MPV17L: variants seen among roughly 807,000 people sequenced by gnomAD.
The protein encoded by MPV17L is mpv17-like protein.
MPV17L carries 24 observed loss-of-function variants against 25.8 expected under a neutral mutation model. That is an observed-to-expected ratio of 0.93 (90% CI 0.67 to 1.31). The LOEUF is 1.31. Ranked by LOEUF, MPV17L falls within the 50% of genes most tolerant of loss-of-function variation. The pLI is 0.00. For synonymous variants in MPV17L, 102 were observed against 115.3 expected, an observed-to-expected ratio of 0.88 and a Z score of 0.74; for missense variants, 250 against 265.6, an observed-to-expected ratio of 0.94 and a Z score of 0.41.
intron 1 of MPV17L, among the ~76,000 whole-genome samples, chr16:15,396,451 C>T (rs2050585119): frequency 6.6e-6 from 1 of 152,102 alleles, no homozygotes; most frequent in Non-Finnish European, 1.5e-5. Context: ...AATTGGGGAG[C>T]CAGAGGTCCA....
chr16:15,401,087 T>TATATATATA (rs376853780), intron 2 of MPV17L, among the ~76,000 whole-genome samples: 23 of 17,802 alleles, frequency 1.3e-3, no homozygotes, highest in Middle Eastern at 0.036. Context: ...TATATATATA[T>TATATATATA]TTTTTTTTTT....
intron 2 of MPV17L, among the ~76,000 whole-genome samples, chr16:15,401,646 C>T (rs145923799): frequency 2.0e-5 from 3 of 152,052 alleles, no homozygotes; most frequent in African/African-American, 7.2e-5. Context: ...ATGGTGAAAC[C>T]CTGTTTCTAC....
At chr16:15,398,163 C>G (rs2050603343) in intron 1 of MPV17L, among the ~76,000 whole-genome samples, 1 of 152,170 alleles carries the variant, frequency 6.6e-6, no homozygotes, top group African/African-American at 2.4e-5. Flanking sequence ...CCTGCCTCAG[C>G]CTACCAAGTA....
At chr16:15,405,607 T>A (rs1038961169) in intron 2 of MPV17L, among the ~76,000 whole-genome samples, 6 of 151,752 alleles carry the variant, frequency 4.0e-5, no homozygotes, top group African/African-American at 1.2e-4. Flanking sequence ...TGCAATCACG[T>A]CCTGCTAATT....
chr16:15,399,556 C>G, intron 1 of MPV17L: 1 of 331,106 alleles, frequency 3.0e-6, no homozygotes, highest in Non-Finnish European at 5.9e-6. Context: ...CAGGCACGCA[C>G]CCCTATACCT....
At chr16:15,406,578 G>A (rs2050682283) in intron 2 of MPV17L, among the ~76,000 whole-genome samples, 1 of 151,934 alleles carries the variant, frequency 6.6e-6, no homozygotes, top group South Asian at 2.1e-4. Context: ...GCATCACATG[G>A]TTTCAATATA....
chr16:15,401,077 TATATATA>T (rs1229400162), intron 2 of MPV17L, among the ~76,000 whole-genome samples: 171 of 46,622 alleles, frequency 3.7e-3, no homozygotes, highest in South Asian at 8.3e-3. Flanking sequence ...TATATATATA[TATATATA>T]TATTTTTTTT....
rs1458578635 is a variant in MPV17L, at chr16:15,408,354, T to C, written c.*242T>C. 2.7e-6 allele frequency: 1 copy of C among 371,614 alleles called. No homozygotes were observed. Among genetic ancestry groups the C allele is most frequent in the African/African-American group, 2.1e-5 (1 of 48,218 alleles). 23.0% of individuals were successfully genotyped at this position (371,614 alleles called of 1,614,324 possible). A position where few individuals can be genotyped will look rare whatever the true frequency, so the allele number is the denominator to read the frequency against. On this transcript the variant is annotated 3_prime_UTR_variant, in exon 4 of 4. Coordinates refer to ENST00000396385, the MANE Select transcript of MPV17L (RefSeq NM_001128423.2). ...GTTAATATGAATAATAGTGGCAAAATGGCATTTTAGAATTATTAATATTTC... is the reference window on the plus strand; with the variant it reads ...GTTAATATGAATAATAGTGGCAAAACGGCATTTTAGAATTATTAATATTTC...
intron 2 of MPV17L, among the ~76,000 whole-genome samples, chr16:15,405,554 C>T (rs222910): frequency 0.69 from 104,340 of 150,250 alleles, 36,569 homozygotes; most frequent in Non-Finnish European, 0.73. Context: ...ATTCAAGCGA[C>T]TCTCCTGCCT....
chr16:15,407,042 C>T (rs2050686534), intron 2 of MPV17L, among the ~76,000 whole-genome samples: 1 of 151,210 alleles, frequency 6.6e-6, no homozygotes, highest in African/African-American at 2.4e-5. Context: ...CAAGACCAGC[C>T]TGGGCAACAT....
chr16:15,400,343 T>G (rs1179290712), intron 1 of MPV17L, among the ~76,000 whole-genome samples: 5 of 149,806 alleles, frequency 3.3e-5, no homozygotes, highest in Non-Finnish European at 7.4e-5. Context: ...GAGATTATGT[T>G]TTCTTTTTTT....
Position 15,401,074 on chromosome 16 carries a change from A to G in MPV17L, c.381+217A>G, listed in dbSNP as rs1308618235. 2.1e-4 allele frequency among the ~76,000 whole-genome samples: 6 copies of G among 28,344 alleles called. No individual in the cohort carries two copies. In the East Asian group the frequency reaches 7.5e-3, roughly 35 times the overall value. The allele number at this position is 28,344 out of a possible 152,430, so 18.6% of individuals were successfully genotyped here. On this transcript the variant is annotated intron_variant, in intron 2 of 3. Coordinates refer to ENST00000396385, the MANE Select transcript of MPV17L (RefSeq NM_001128423.2). ...TGTGTGTGTGTATATATATATATATATATATATATATATTTTTTTTTTTTT... is the reference window on the plus strand; with the variant it reads ...TGTGTGTGTGTATATATATATATATGTATATATATATATTTTTTTTTTTTT...
chr16:15,408,318 C>A lies in MPV17L; in HGVS notation c.*206C>A. The A allele has an allele frequency of 2.2e-6, 1 of 462,360 alleles. No individual in the cohort carries two copies. 28.6% of individuals were successfully genotyped at this position (462,360 alleles called of 1,614,324 possible). ...TGTTCTAGTCTGAAATATTACTTCTCTAATATTTTGGTTAATATGAATAAT... is the reference window on the plus strand; with the variant it reads ...TGTTCTAGTCTGAAATATTACTTCTATAATATTTTGGTTAATATGAATAAT... On this transcript the variant is annotated 3_prime_UTR_variant, in exon 4 of 4. Transcript: ENST00000396385.
Position 15,395,894 on chromosome 16 carries a change from G to C in MPV17L, c.-4G>C. On this transcript the variant is annotated 5_prime_UTR_variant, in exon 1 of 4. Coordinates refer to ENST00000396385, the MANE Select transcript of MPV17L (RefSeq NM_001128423.2). ...TCCTGATCGCGGGCGCCCACAGCGC[G>C]GACATGGCGGGCTGGTGGCCGGCGT... 1 of 1,395,122 alleles carries C rather than the reference G, an allele frequency of 7.2e-7. No individual in the cohort carries two copies. The highest frequency in any genetic ancestry group is 1.6e-5 in the South Asian group (1 of 62,062). The allele number at this position is 1,395,122 out of a possible 1,614,324, so 86.4% of individuals were successfully genotyped here.
rs1199889694 is a variant in MPV17L at position 15,409,776 on chromosome 16, G to A, written c.*1664G>A. ...GATCCACTCTCATTGGCCTCCCAAGGTGCTGGGATTATAGGCATGAGCCAC... is the reference window on the plus strand; with the variant it reads ...GATCCACTCTCATTGGCCTCCCAAGATGCTGGGATTATAGGCATGAGCCAC... On this transcript the variant is annotated 3_prime_UTR_variant, in exon 4 of 4. Coordinates refer to ENST00000396385, the MANE Select transcript of MPV17L (RefSeq NM_001128423.2). 1.3e-5 allele frequency: 2 copies of A among 152,238 alleles called. No individual in the cohort carries two copies. The highest frequency in any genetic ancestry group is 2.9e-5 in the Non-Finnish European group (2 of 68,056). 9.4% of individuals were successfully genotyped at this position (152,238 alleles called of 1,614,324 possible).
At chr16:15,401,072 A>G (rs1355355600) in intron 2 of MPV17L, among the ~76,000 whole-genome samples, 1 of 26,880 alleles carries the variant, frequency 3.7e-5, no homozygotes, top group East Asian at 1.2e-3. Flanking sequence ...ATATATATAT[A>G]TATATATATA....
intron 2 of MPV17L, among the ~76,000 whole-genome samples, chr16:15,404,434 G>A (rs1223508134): frequency 3.9e-5 from 6 of 152,134 alleles, no homozygotes; most frequent in Non-Finnish European, 7.4e-5. Flanking sequence ...GGTGGCTCAC[G>A]CCTGTAATCC....
At chr16:15,403,202 C>T (rs1394716829) in intron 2 of MPV17L, among the ~76,000 whole-genome samples, 2 of 151,304 alleles carry the variant, frequency 1.3e-5, no homozygotes, top group Admixed American at 6.6e-5. Context: ...ACCGTGTCTC[C>T]ACTAAAAATA....
At chr16:15,403,378 A>AG (rs1189544769) in intron 2 of MPV17L, among the ~76,000 whole-genome samples, 1 of 150,960 alleles carries the variant, frequency 6.6e-6, no homozygotes, top group African/African-American at 2.4e-5. Context: ...CAAAAAAAAA[A>AG]AAAAAAAAAA....
Sources: gnomAD v4.1 joint callset for allele counts (sites outside exome capture counted in the v4.1 genomes callset) on GRCh38, gnomAD v4.1.1 for gene constraint, MANE v1.5 for transcripts, NCBI Gene and HGNC (gene_info 2026-07-23, HGNC 2026-07-21) for gene names.